KLHL32: variants seen among roughly 807,000 people sequenced by gnomAD.
The protein encoded by KLHL32 is kelch-like protein 32.
KLHL32 carries 35 observed loss-of-function variants against 64.8 expected under a neutral mutation model. The ratio of observed to expected loss-of-function variants is 0.54; its 90% CI spans 0.41 to 0.72. KLHL32 has a LOEUF of 0.72. Among genes scored for constraint, KLHL32 ranks in the 30% least tolerant of loss-of-function variants. KLHL32 has a pLI of 0.00. For missense variants in KLHL32, 589 were observed against 768.5 expected (o/e 0.77, Z 2.76); for synonymous variants, 259 against 281.0 (o/e 0.92, Z 0.78).
intron 7 of KLHL32, among the ~76,000 whole-genome samples, chr6:97,122,859 C>A (rs934507371): frequency 1.3e-5 from 2 of 152,344 alleles, no homozygotes; most frequent in South Asian, 2.1e-4. Context: ...ATGCCACAGC[C>A]TGTCCTGAAA....
intron 2 of KLHL32, among the ~76,000 whole-genome samples, chr6:96,973,685 G>T (rs539447311): frequency 1.4e-5 from 2 of 148,006 alleles, no homozygotes; most frequent in African/African-American, 2.5e-5. Flanking sequence ...GACTTACATG[G>T]TTTTTTCCCC....
chr6:97,088,688 CAT>C (rs1793788243), intron 6 of KLHL32, among the ~76,000 whole-genome samples: 1 of 152,112 alleles, frequency 6.6e-6, no homozygotes, highest in Non-Finnish European at 1.5e-5. Flanking sequence ...CTTATCAAAT[CAT>C]CATATTGTAC....
intron 5 of KLHL32, among the ~76,000 whole-genome samples, chr6:97,079,427 G>A (rs1239723189): frequency 1.3e-5 from 2 of 152,110 alleles, no homozygotes; most frequent in African/African-American, 2.4e-5. Context: ...TAATTGCCTT[G>A]CAAATGTAAC....
chr6:97,093,515 C>G (rs1404649737), intron 6 of KLHL32, among the ~76,000 whole-genome samples: 1 of 152,034 alleles, frequency 6.6e-6, no homozygotes, highest in Non-Finnish European at 1.5e-5. Flanking sequence ...CTCAAAGTAC[C>G]TTATATATCT....
At chr6:97,071,780 C>G (rs1313239474) in intron 5 of KLHL32, among the ~76,000 whole-genome samples, 1 of 152,176 alleles carries the variant, frequency 6.6e-6, no homozygotes, top group African/African-American at 2.4e-5. Flanking sequence ...CCTTCTCTTT[C>G]TCCTCCTTGT....
chr6:96,963,727 C>T (rs1052666058), intron 1 of KLHL32, among the ~76,000 whole-genome samples: 1 of 152,168 alleles, frequency 6.6e-6, no homozygotes, highest in African/African-American at 2.4e-5. Context: ...TTTATACATT[C>T]CTTGTCTTTA....
chr6:96,997,746 C>CA (rs906461841), intron 3 of KLHL32, among the ~76,000 whole-genome samples: 7 of 151,580 alleles, frequency 4.6e-5, no homozygotes, highest in Middle Eastern at 3.4e-3. Context: ...CCAACAACAA[C>CA]AAAAAAAACC....
chr6:97,011,977 C>T (rs1780466236), intron 3 of KLHL32, among the ~76,000 whole-genome samples: 1 of 151,790 alleles, frequency 6.6e-6, no homozygotes, highest in Admixed American at 6.6e-5. Context: ...AACAACTTTA[C>T]AGATGATGAA....
At chr6:97,138,452 T>C (rs527748303) in intron 10 of KLHL32, among the ~76,000 whole-genome samples, 1 of 151,962 alleles carries the variant, frequency 6.6e-6, no homozygotes, top group Non-Finnish European at 1.5e-5. Flanking sequence ...GGCAGGAGGA[T>C]TGCTTGAGCC....
intron 6 of KLHL32, among the ~76,000 whole-genome samples, chr6:97,106,771 T>C (rs1796471894): frequency 6.6e-6 from 1 of 151,638 alleles, no homozygotes; most frequent in South Asian, 2.1e-4. Context: ...ATGTGAAATA[T>C]GTATTCTCAT....
chr6:97,068,969 A>G (rs1790257726), intron 5 of KLHL32, among the ~76,000 whole-genome samples: 1 of 152,152 alleles, frequency 6.6e-6, no homozygotes, highest in African/African-American at 2.4e-5. Context: ...CTGGGATGTG[A>G]GAGGCTGGGA....
At chr6:96,901,864 C>T in the KLHL32 span, among the ~76,000 whole-genome samples, 1 of 152,178 alleles carries the variant, frequency 6.6e-6, no homozygotes, top group Admixed American at 6.5e-5. Flanking sequence ...TGTTAGTTTG[C>T]TAAAGATAAT....
chr6:96,984,781 G>A (rs1189258238), intron 3 of KLHL32, among the ~76,000 whole-genome samples: 2 of 152,132 alleles, frequency 1.3e-5, no homozygotes, highest in Non-Finnish European at 1.5e-5. Flanking sequence ...CACGTGAGAT[G>A]GGTTTCCTGA....
intron 1 of KLHL32, among the ~76,000 whole-genome samples, chr6:96,936,744 G>T (rs1410317826): frequency 6.6e-6 from 1 of 152,108 alleles, no homozygotes; most frequent in Non-Finnish European, 1.5e-5. Flanking sequence ...GCCTAAAACT[G>T]CAGCAGCTTC....
At chr6:97,128,430 G>A (rs1799093265) in intron 8 of KLHL32, among the ~76,000 whole-genome samples, 1 of 152,232 alleles carries the variant, frequency 6.6e-6, no homozygotes, top group Non-Finnish European at 1.5e-5. Context: ...TGTGGTTAAA[G>A]AGGAAGAAGG....
chr6:96,931,948 G>A (rs1769938538), intron 1 of KLHL32, among the ~76,000 whole-genome samples: 1 of 152,054 alleles, frequency 6.6e-6, no homozygotes, highest in African/African-American at 2.4e-5. Flanking sequence ...CAATAGTTAT[G>A]GTTATTATTT....
chr6:96,913,586 A>T, the KLHL32 span, among the ~76,000 whole-genome samples: 1 of 152,254 alleles, frequency 6.6e-6, no homozygotes, highest in Non-Finnish European at 1.5e-5. Flanking sequence ...AGCAGGCTCC[A>T]GCACACTGCA....
Position 96,973,230 on chromosome 6 carries a change from A to G in KLHL32, c.24-2767A>G, listed in dbSNP as rs527475398. Among the ~76,000 whole-genome samples the G allele has an allele frequency of 2.6e-5, 4 of 152,312 alleles. No homozygotes were observed. In the East Asian group the frequency reaches 7.7e-4, roughly 29 times the overall value. ...CTATTGTTTAAAAGCTGAGGCTTTT[A>G]TTCTTTGCCAAATTTCAGTTTACAG... On this transcript the variant is annotated intron_variant, in intron 2 of 10. Transcript: ENST00000369261.
intron 2 of KLHL32, among the ~76,000 whole-genome samples, chr6:96,970,774 T>A (rs577636352): frequency 6.6e-6 from 1 of 152,346 alleles, no homozygotes; most frequent in Admixed American, 6.5e-5. Flanking sequence ...CTTTGCTTAT[T>A]ACTATGACCA....
Sources: allele counts gnomAD v4.1 joint callset (sites outside exome capture counted in the v4.1 genomes callset), GRCh38; gene constraint gnomAD v4.1.1; transcripts MANE v1.5; gene names NCBI Gene and HGNC (gene_info 2026-07-23, HGNC 2026-07-21).